Variants in ZC3H12B observed in about 807,000 individuals in gnomAD.
The protein encoded by ZC3H12B is zinc finger CCCH-type containing 12B.
Under a neutral mutation model 43.9 loss-of-function variants are expected in ZC3H12B, and 7 were observed. The observed-to-expected ratio is 0.16, with a 90% CI of 0.09 to 0.30. The LOEUF is 0.30. Ranked by LOEUF, ZC3H12B falls within the 10% of genes least tolerant of loss-of-function variation. The pLI is 1.00. For missense variants in ZC3H12B, 475 were observed against 670.2 expected (o/e 0.71, Z 3.22); for synonymous variants, 222 against 241.7 (o/e 0.92, Z 0.76).
chrX:65,144,559 T>C, the ZC3H12B span, among the ~76,000 whole-genome samples: 1 of 111,935 alleles, frequency 8.9e-6, no homozygotes, highest in Non-Finnish European at 1.9e-5. Context: ...AGGTGTGAAC[T>C]TAGATTATCT....
At chrX:65,415,053 G>A (rs1244879148) in intron 3 of ZC3H12B, among the ~76,000 whole-genome samples, 2 of 112,385 alleles carry the variant, frequency 1.8e-5, no homozygotes, top group East Asian at 5.6e-4. Flanking sequence ...AATACGTGTA[G>A]ATATACATTG....
the ZC3H12B span, among the ~76,000 whole-genome samples, chrX:65,121,744 G>C: frequency 1.8e-5 from 2 of 110,753 alleles, no homozygotes; most frequent in Admixed American, 9.7e-5. Flanking sequence ...GTGATGTTAA[G>C]GTGTCAATTT....
chrX:65,200,725 C>G, the ZC3H12B span, among the ~76,000 whole-genome samples: 1 of 110,791 alleles, frequency 9.0e-6, no homozygotes, highest in African/African-American at 3.3e-5. Context: ...CATGAGCCAC[C>G]TTGCCTGGCC....
chrX:65,361,055 G>T, the ZC3H12B span, among the ~76,000 whole-genome samples: 1 of 111,561 alleles, frequency 9.0e-6, no homozygotes, highest in Admixed American at 9.5e-5. Context: ...ACATTTTATT[G>T]GTTTTTAACT....
chrX:65,203,030 C>G, the ZC3H12B span, among the ~76,000 whole-genome samples: 1 of 111,413 alleles, frequency 9.0e-6, no homozygotes, highest in African/African-American at 3.3e-5. Flanking sequence ...TGCCCCAGGA[C>G]CATGACAAGT....
the ZC3H12B span, among the ~76,000 whole-genome samples, chrX:65,202,055 TTATATGTAATATATATATTACATATAA>T: frequency 1.1e-4 from 9 of 84,862 alleles, no homozygotes; most frequent in Admixed American, 5.8e-4. Context: ...ATAATATATA[TTATATGTAATATATATATTACATATAA>T]TATATGTAAT....
rs768475107 is a variant in ZC3H12B, at chrX:65,428,681, A to G, written n.407+29977A>G. ...TTGTTTATCATGACTCTTAGCTTCC[A>G]GCATTGGGTTACAACATGTTCCTTT... is the stretch of plus-strand genomic sequence containing the variant. On this transcript the variant is annotated intron_variant and non_coding_transcript_variant, in intron 3 of 5. Coordinates refer to the ZC3H12B transcript ENST00000617377. 2.7e-5 allele frequency among the ~76,000 whole-genome samples: 3 copies of G among 112,295 alleles called. No homozygotes were observed. The South Asian group carries it at 1.1e-3, about 41-fold the overall frequency.
the ZC3H12B span, among the ~76,000 whole-genome samples, chrX:65,049,653 G>T: frequency 1.8e-5 from 2 of 111,340 alleles, no homozygotes; most frequent in Non-Finnish European, 3.8e-5. Flanking sequence ...TGGCTATTGG[G>T]AGTCCTTTGT....
chrX:65,293,036 A>G, the ZC3H12B span, among the ~76,000 whole-genome samples: 1 of 112,455 alleles, frequency 8.9e-6, no homozygotes, highest in African/African-American at 3.2e-5. Flanking sequence ...ATACTTTGAC[A>G]TGAAGCAACA....
intron 3 of ZC3H12B, among the ~76,000 whole-genome samples, chrX:65,470,760 A>C (rs965522781): frequency 8.9e-6 from 1 of 111,802 alleles, no homozygotes; most frequent in Non-Finnish European, 1.9e-5. Context: ...TTAGGATGTC[A>C]TTTACATCTT....
chrX:65,460,252 A>G (rs1042456778), intron 3 of ZC3H12B, among the ~76,000 whole-genome samples: 5 of 111,982 alleles, frequency 4.5e-5, no homozygotes. Context: ...ATGGGTAGGA[A>G]GAATCAATAT....
the ZC3H12B span, among the ~76,000 whole-genome samples, chrX:65,162,646 G>A: frequency 1.8e-5 from 2 of 111,392 alleles, no homozygotes; most frequent in African/African-American, 6.5e-5. Context: ...CTCTGTATTG[G>A]TTATTCTAGT....
the ZC3H12B span, among the ~76,000 whole-genome samples, chrX:65,223,080 C>T: frequency 9.0e-6 from 1 of 111,567 alleles, no homozygotes; most frequent in East Asian, 2.8e-4. Context: ...GAAATAAAGC[C>T]AAATACTTAC....
chrX:65,498,559 G>T (rs907959887), intron 2 of ZC3H12B, among the ~76,000 whole-genome samples: 2 of 111,918 alleles, frequency 1.8e-5, no homozygotes, highest in African/African-American at 3.3e-5. Flanking sequence ...CCTAGTTTTG[G>T]TCTTCCCTCA....
At chrX:65,390,978 T>C (rs754183847) in intron 2 of ZC3H12B, among the ~76,000 whole-genome samples, 1 of 112,015 alleles carries the variant, frequency 8.9e-6, no homozygotes, top group South Asian at 3.7e-4. Flanking sequence ...AGAACTATAA[T>C]ACAATAAAAT....
the ZC3H12B span, among the ~76,000 whole-genome samples, chrX:65,061,229 A>G: frequency 2.5e-4 from 28 of 111,505 alleles, no homozygotes; most frequent in African/African-American, 8.5e-4. Flanking sequence ...TACATGTGCC[A>G]TGGTGCTTTG....
Position 65,398,717 on chromosome X carries a change from A to T in ZC3H12B, n.407+13A>T, listed in dbSNP as rs1223247714. On this transcript the variant is annotated intron_variant and non_coding_transcript_variant, in intron 3 of 5. Coordinates refer to the ZC3H12B transcript ENST00000617377. Reference sequence around the variant, plus strand: ...AGCCTGCAGAACTGTGAGTCAATTTAACCTTTTTTCTTTGTAAATTACCCA... The same window carrying T: ...AGCCTGCAGAACTGTGAGTCAATTTTACCTTTTTTCTTTGTAAATTACCCA... The T allele has an allele frequency of 8.9e-6, 1 of 112,068 alleles. No individual in the cohort carries two copies. The highest frequency in any genetic ancestry group is 3.2e-5 in the African/African-American group (1 of 30,856). The allele number at this position is 112,068 out of a possible 1,213,427, so 9.2% of individuals were successfully genotyped here. A position where few individuals can be genotyped will look rare whatever the true frequency, so the allele number is the denominator to read the frequency against.
the ZC3H12B span, among the ~76,000 whole-genome samples, chrX:65,142,017 G>A: frequency 8.9e-6 from 1 of 111,808 alleles, no homozygotes; most frequent in African/African-American, 3.3e-5. Flanking sequence ...CTTTTCCTCT[G>A]GGCAGATACC....
At chrX:65,286,001 T>C in the ZC3H12B span, among the ~76,000 whole-genome samples, 1 of 112,102 alleles carries the variant, frequency 8.9e-6, no homozygotes, top group Admixed American at 9.5e-5. Flanking sequence ...GAAAGCAGTT[T>C]GGAGATTCCT....
Sources: allele counts gnomAD v4.1 joint callset (sites outside exome capture counted in the v4.1 genomes callset), GRCh38; gene constraint gnomAD v4.1.1; transcripts MANE v1.5; gene names NCBI Gene and HGNC (gene_info 2026-07-23, HGNC 2026-07-21).